Variants in MAF observed in about 807,000 individuals in gnomAD.
MAF encodes transcription factor Maf.
In MAF, 10 loss-of-function variants were observed where a neutral mutation model predicts 22.0. The observed-to-expected ratio is 0.45, with a 90% CI of 0.28 to 0.77. MAF has a LOEUF of 0.77. Ranked by LOEUF, MAF falls within the 30% of genes least tolerant of loss-of-function variation. The probability of loss-of-function intolerance (pLI) is 0.12; values close to 1 mark genes in which losing one functional copy is unlikely to be tolerated. For missense variants in MAF, 544 were observed against 548.4 expected (o/e 0.99, Z 0.08); for synonymous variants, 337 against 255.8 (o/e 1.32, Z -3.03).
the MAF span, among the ~76,000 whole-genome samples, chr16:79,547,459 T>C: frequency 6.6e-6 from 1 of 152,142 alleles, no homozygotes; most frequent in Non-Finnish European, 1.5e-5. Flanking sequence ...TCTAGGTCTA[T>C]ACAAGCATCC....
the MAF span, among the ~76,000 whole-genome samples, chr16:79,450,261 T>C: frequency 2.0e-5 from 3 of 152,214 alleles, no homozygotes; most frequent in African/African-American, 7.2e-5. Context: ...ATTGTTTAGG[T>C]CATTTTCAGT....
At chr16:79,297,639 T>C in the MAF span, among the ~76,000 whole-genome samples, 1 of 152,210 alleles carries the variant, frequency 6.6e-6, no homozygotes, top group African/African-American at 2.4e-5. Flanking sequence ...AAGTACTTAG[T>C]AGAGTGCCTG....
At chr16:79,407,062 G>C in the MAF span, among the ~76,000 whole-genome samples, 4 of 152,192 alleles carry the variant, frequency 2.6e-5, no homozygotes, top group Non-Finnish European at 4.4e-5. Context: ...CCCACTTCCA[G>C]CATGTGCTAA....
the MAF span, among the ~76,000 whole-genome samples, chr16:79,569,840 G>C: frequency 6.6e-6 from 1 of 152,222 alleles, no homozygotes; most frequent in South Asian, 2.1e-4. Flanking sequence ...AGCTGTCCCC[G>C]GCTCTTAGGG....
chr16:79,563,441 C>T, the MAF span, among the ~76,000 whole-genome samples: 1 of 151,434 alleles, frequency 6.6e-6, no homozygotes, highest in Non-Finnish European at 1.5e-5. Context: ...CTCCATTTCA[C>T]TTTAACCTTA....
chr16:79,309,142 A>G, the MAF span, among the ~76,000 whole-genome samples: 4 of 152,128 alleles, frequency 2.6e-5, no homozygotes, highest in Non-Finnish European at 5.9e-5. Context: ...TAAGCCTTGG[A>G]TACAGGGGTG....
chr16:79,381,227 T>A, the MAF span, among the ~76,000 whole-genome samples: 1 of 152,252 alleles, frequency 6.6e-6, no homozygotes, highest in Non-Finnish European at 1.5e-5. Context: ...GTATCTCTCT[T>A]CTTACCAAAC....
At chr16:79,214,858 C>A in the MAF span, among the ~76,000 whole-genome samples, 691 of 150,058 alleles carry the variant, frequency 4.6e-3, 11 homozygotes, top group African/African-American at 0.016. Context: ...TTACAGGTGC[C>A]CACAACCACA....
At chr16:79,598,612 T>TG (rs1356207933) in intron 1 of MAF, 173 bp downstream of exon 1, 37 of 1,079,668 alleles carry the variant, frequency 3.4e-5, no homozygotes, top group African/African-American at 2.5e-4. Flanking sequence ...GTGTGTGTGG[T>TG]GTGTGCGTGC....
chr16:79,430,332 C>A, the MAF span, among the ~76,000 whole-genome samples: 2 of 152,210 alleles, frequency 1.3e-5, no homozygotes, highest in African/African-American at 2.4e-5. Flanking sequence ...TCTGCACCTT[C>A]CCCCGGGCTG....
At position 79,585,942 on chromosome 16, in the gene MAF, C is replaced by A; in HGVS notation, c.1119-1G>T. 2.9e-6 allele frequency: 2 copies of A among 680,714 alleles called. 1 individual carries two copies. Among genetic ancestry groups the A allele is most frequent in the South Asian group, 3.2e-5 (2 of 62,652 alleles). 42.2% of individuals were successfully genotyped at this position (680,714 alleles called of 1,614,324 possible). A position where few individuals can be genotyped will look rare whatever the true frequency, so the allele number is the denominator to read the frequency against. On this transcript the variant is annotated splice_acceptor_variant, in intron 1 of 1. Transcript: ENST00000569649. LOFTEE classifies it high-confidence loss of function. ...TGATGTAGAGGATTCCCTTGGGTAC[C>A]TGATTTAGTAAATATATTAAAATAA...
At chr16:79,348,338 T>C in the MAF span, among the ~76,000 whole-genome samples, 5 of 152,344 alleles carry the variant, frequency 3.3e-5, no homozygotes, top group East Asian at 7.7e-4. Flanking sequence ...GGATAGATAG[T>C]GGACAGGATA....
At chr16:79,334,251 C>T in the MAF span, among the ~76,000 whole-genome samples, 12 of 152,198 alleles carry the variant, frequency 7.9e-5, no homozygotes, top group African/African-American at 2.9e-4. Flanking sequence ...GTGCAATGGA[C>T]TATTGCACAG....
chr16:79,459,408 T>A, the MAF span, among the ~76,000 whole-genome samples: 1 of 151,274 alleles, frequency 6.6e-6, no homozygotes, highest in African/African-American at 2.4e-5. Context: ...TCTGGGAGAG[T>A]CGTATTATGT....
the MAF span, among the ~76,000 whole-genome samples, chr16:79,389,073 G>C: frequency 2.0e-5 from 3 of 152,162 alleles, no homozygotes; most frequent in Non-Finnish European, 4.4e-5. Flanking sequence ...GGAGACAGCA[G>C]CATTTGTCTG....
At chr16:79,575,155 A>C in the MAF span, among the ~76,000 whole-genome samples, 1 of 151,876 alleles carries the variant, frequency 6.6e-6, no homozygotes, top group African/African-American at 2.4e-5. Flanking sequence ...AGACCCGTTT[A>C]TGCCCCAATC....
At chr16:79,511,442 T>C in the MAF span, among the ~76,000 whole-genome samples, 1 of 152,208 alleles carries the variant, frequency 6.6e-6, no homozygotes, top group Non-Finnish European at 1.5e-5. Flanking sequence ...TCTTTATTTC[T>C]GAAAAGGCCA....
the MAF span, among the ~76,000 whole-genome samples, chr16:79,358,981 G>A: frequency 4.5e-4 from 69 of 152,302 alleles, no homozygotes; most frequent in African/African-American, 1.6e-3. Flanking sequence ...TAGAGTGCCG[G>A]AATGAACAGA....
the MAF span, among the ~76,000 whole-genome samples, chr16:79,321,588 A>T: frequency 0.22 from 33,380 of 151,568 alleles, 4,849 homozygotes; most frequent in Non-Finnish European, 0.33. Context: ...CACCAGAGGC[A>T]CAGAATCAGG....
Sources: allele counts gnomAD v4.1 joint callset (sites outside exome capture counted in the v4.1 genomes callset), GRCh38; gene constraint gnomAD v4.1.1; transcripts MANE v1.5; gene names NCBI Gene and HGNC (gene_info 2026-07-23, HGNC 2026-07-21).